Variants in ATAD2B observed in about 807,000 individuals in gnomAD.
ATAD2B encodes the protein ATPase family AAA domain-containing protein 2B.
A neutral mutation model predicts 167.6 loss-of-function variants in ATAD2B; 40 were observed. The observed-to-expected ratio is 0.24, with a 90% CI of 0.19 to 0.31. The LOEUF (loss-of-function observed/expected upper bound fraction) is 0.31, where lower values mean the gene tolerates loss of function less well. Ranked by LOEUF, ATAD2B falls within the 10% of genes least tolerant of loss-of-function variation. The pLI, the probability that ATAD2B is intolerant of heterozygous loss-of-function variation, is 1.00. For synonymous variants in ATAD2B, 579 were observed against 596.5 expected (o/e 0.97, Z 0.43); for missense variants, 1,242 against 1,757.2 (o/e 0.71, Z 5.24).
chr2:23,829,155 G>A (rs966448193), intron 14 of ATAD2B, among the ~76,000 whole-genome samples: 3 of 240 alleles, frequency 0.013, no homozygotes, highest in Non-Finnish European at 0.023. Context: ...GATCTTGTCT[G>A]TGTTCACAAC....
chr2:23,782,003 G>A (rs191949808), intron 22 of ATAD2B, among the ~76,000 whole-genome samples: 197 of 152,050 alleles, frequency 1.3e-3, no homozygotes, highest in Non-Finnish European at 2.3e-3. Flanking sequence ...TTTTGTAGAG[G>A]CGAGGTTTTG....
chr2:23,684,322 A>T, the ATAD2B span: 2 of 1,153,024 alleles, frequency 1.7e-6, no homozygotes, highest in Non-Finnish European at 2.3e-6. This position sits in a 1 kb window ranked among gnomAD's most constrained non-coding sequence, Gnocchi z 4.4. Flanking sequence ...TTGAAAAAAG[A>T]AAAAAAACTT....
chr2:23,811,273 T>C (rs1685548235), intron 17 of ATAD2B: 1 of 152,196 alleles, frequency 6.6e-6, no homozygotes, highest in Non-Finnish European at 1.5e-5. Flanking sequence ...GGTGATTAAG[T>C]CATGAGCAGT....
chr2:23,849,158 C>G (rs759438072), intron 13 of ATAD2B, among the ~76,000 whole-genome samples: 2 of 152,068 alleles, frequency 1.3e-5, no homozygotes, highest in Non-Finnish European at 2.9e-5. Flanking sequence ...ATTGACTAAA[C>G]AGTCAAATTA....
intron 18 of ATAD2B, among the ~76,000 whole-genome samples, chr2:23,803,040 C>G (rs367775681): frequency 3.3e-5 from 5 of 152,112 alleles, no homozygotes; most frequent in African/African-American, 9.7e-5. Flanking sequence ...GCACGCTTAT[C>G]AGTCCCTTTT....
the ATAD2B span, among the ~76,000 whole-genome samples, chr2:23,723,300 AAAC>A: frequency 6.6e-6 from 1 of 151,414 alleles, no homozygotes; most frequent in Non-Finnish European, 1.5e-5. Flanking sequence ...CTCAACCAAA[AAAC>A]AACAGCAACA....
chr2:23,871,870 T>C, intron 8 of ATAD2B, among the ~76,000 whole-genome samples: 1 of 152,074 alleles, frequency 6.6e-6, no homozygotes, highest in East Asian at 1.9e-4. Context: ...AAGGAATTGT[T>C]TTTGGGTTTG....
chr2:23,833,174 T>C (rs535844887), intron 14 of ATAD2B, among the ~76,000 whole-genome samples: 4 of 152,228 alleles, frequency 2.6e-5, no homozygotes, highest in Admixed American at 1.3e-4. Flanking sequence ...TGTTTCTCTA[T>C]GGTCTTCCAT....
At chr2:23,874,460 T>C (rs1371236759) in intron 8 of ATAD2B, among the ~76,000 whole-genome samples, 2 of 152,172 alleles carry the variant, frequency 1.3e-5, no homozygotes, top group African/African-American at 4.8e-5. Context: ...AGCTCATGCC[T>C]GTAATCCCAG....
intron 13 of ATAD2B, among the ~76,000 whole-genome samples, chr2:23,852,523 T>C (rs145210924): frequency 6.6e-6 from 1 of 152,278 alleles, no homozygotes; most frequent in East Asian, 1.9e-4. Context: ...ATACAGATAA[T>C]AAAACTTTTT....
rs537779709 is a variant in ATAD2B at position 23,776,412 on chromosome 2, A to T, written c.3133+6457T>A. Among the ~76,000 whole-genome samples, 3 of 152,270 alleles carry T rather than the reference A, an allele frequency of 2.0e-5. No homozygotes were observed. In the South Asian group the frequency reaches 6.2e-4, roughly 32 times the overall value. ...TACAACTGCCTTGACCTCTACCCCA[A>T]ATTTGATACTAAGAGGTCAAGGCTG... On this transcript the variant is annotated intron_variant, in intron 22 of 27. Transcript: ENST00000238789.
chr2:23,708,729 A>T, the ATAD2B span: 1 of 152,250 alleles, frequency 6.6e-6, no homozygotes, highest in African/African-American at 2.4e-5. Flanking sequence ...CTTAATGATT[A>T]GAAAGGATGG....
At chr2:23,752,386 G>A (rs2149293010) in intron 27 of ATAD2B, among the ~76,000 whole-genome samples, 1 of 150,560 alleles carries the variant, frequency 6.6e-6, no homozygotes, top group East Asian at 1.9e-4. Context: ...ATGAATATAA[G>A]GATGATGATA....
At chr2:23,869,631 A>T in intron 9 of ATAD2B, 32 bp downstream of exon 9, 1 of 1,427,126 alleles carries the variant, frequency 7.0e-7, no homozygotes, top group Non-Finnish European at 9.7e-7. Context: ...CCTTTTTTCT[A>T]CCATGGAAAT....
intron 18 of ATAD2B, among the ~76,000 whole-genome samples, chr2:23,799,154 A>C (rs958390166): frequency 3.3e-5 from 5 of 152,224 alleles, no homozygotes; most frequent in Non-Finnish European, 7.3e-5. Context: ...ATTTCTCATT[A>C]TCTTTAACAA....
At chr2:23,693,473 T>A in the ATAD2B span, 1 of 1,551,702 alleles carries the variant, frequency 6.4e-7, no homozygotes, top group Non-Finnish European at 8.7e-7. Flanking sequence ...GCTGAGGAGC[T>A]GGTGTACGAG....
chr2:23,853,029 C>T (rs1692819548), intron 13 of ATAD2B, among the ~76,000 whole-genome samples: 1 of 151,632 alleles, frequency 6.6e-6, no homozygotes, highest in East Asian at 1.9e-4. Flanking sequence ...AAATATGTTA[C>T]AAAGTTCAGT....
In ATAD2B at chr2:23,891,094, C is replaced by T. The variant is rs150081263; in HGVS notation, c.369-2695G>A. Among the ~76,000 whole-genome samples the T allele has an allele frequency of 1.5e-3, 219 of 149,576 alleles. 5 individuals are homozygous for T. The highest frequency in any genetic ancestry group is 9.2e-3 in the Admixed American group (137 of 14,898). On this transcript the variant is annotated intron_variant, in intron 2 of 27. Transcript: ENST00000238789. ...GGAGTGCAGTGGTGCGATCTTGGCT[C>T]ACTGCAACCACCATCTCCCGGGTTC... is the stretch of plus-strand genomic sequence containing the variant.
chr2:23,791,636 G>A (rs1171323075), intron 19 of ATAD2B, among the ~76,000 whole-genome samples: 1 of 151,942 alleles, frequency 6.6e-6, no homozygotes, highest in African/African-American at 2.4e-5. Context: ...CATATAAAAG[G>A]AATTATACAA....
Sources: gnomAD v4.1 joint callset for allele counts (sites outside exome capture counted in the v4.1 genomes callset) on GRCh38, gnomAD v4.1.1 for gene constraint, Gnocchi (gnomAD v3.1) non-coding constraint, MANE v1.5 for transcripts, NCBI Gene and HGNC (gene_info 2026-07-23, HGNC 2026-07-21) for gene names.